ABCA10: variants seen among roughly 807,000 people sequenced by gnomAD.
The protein encoded by ABCA10 is ATP-binding cassette sub-family A member 10.
In ABCA10, 169 loss-of-function variants were observed where a neutral mutation model predicts 187.5. That is an observed-to-expected ratio of 0.90 (90% CI 0.80 to 1.02). ABCA10 has a LOEUF of 1.02. ABCA10 is among the 50% of genes least tolerant of loss of function. The pLI, the probability that ABCA10 is intolerant of heterozygous loss-of-function variation, is 0.00. For synonymous variants in ABCA10, 574 were observed against 601.8 expected (o/e 0.95, Z 0.68); for missense variants, 1,727 against 1,812.4 (o/e 0.95, Z 0.86).
chr17:69,153,484 C>G lies in ABCA10; in HGVS notation c.4028G>C (p.Gly1343Ala), dbSNP rs375730362. The G allele has an allele frequency of 3.1e-6, 5 of 1,614,016 alleles. No individual in the cohort carries two copies. Among genetic ancestry groups the G allele is most frequent in the African/African-American group, 1.3e-5 (1 of 74,926 alleles). ...LKAPVKTLSEGIKRKLCFVLS... is the reference protein window; with the variant it reads ...LKAPVKTLSEAIKRKLCFVLS... ...CCTGGCCCATACCTTTCTCTTTATTCCCTCTGATAGAGTTTTCACAGGAGC... is the reference window on the plus strand; with the variant it reads ...CCTGGCCCATACCTTTCTCTTTATTGCCTCTGATAGAGTTTTCACAGGAGC... The change falls in exon 33 of 39, where the codon GGA (glycine) becomes GCA (alanine). Residue 1343 changes from glycine to alanine, a missense_variant. Coordinates refer to ENST00000690296, the MANE Select transcript of ABCA10 (RefSeq NM_001377321.1).
chr17:69,167,795 C>T (rs908815450), intron 25 of ABCA10, among the ~76,000 whole-genome samples: 1 of 151,994 alleles, frequency 6.6e-6, no homozygotes, highest in South Asian at 2.1e-4. Flanking sequence ...GGCACTGAAA[C>T]AAAAGCAAAC....
chr17:69,199,686 C>CAACA (rs1312231208), intron 10 of ABCA10, among the ~76,000 whole-genome samples: 25 of 152,332 alleles, frequency 1.6e-4, no homozygotes, highest in South Asian at 2.1e-4. Flanking sequence ...TCATACCATA[C>CAACA]AACAACACCC....
chr17:69,184,629 A>G (rs907512298), intron 20 of ABCA10, among the ~76,000 whole-genome samples: 7 of 152,232 alleles, frequency 4.6e-5, no homozygotes, highest in South Asian at 2.1e-4. Flanking sequence ...TAAAACCACT[A>G]TGGAAAACAG....
At chr17:69,231,860 T>G (rs943090843), upstream of ABCA10, among the ~76,000 whole-genome samples, 3 of 152,154 alleles carry the variant, frequency 2.0e-5, no homozygotes, top group East Asian at 5.8e-4. Context: ...TCCAGTTCCT[T>G]ACAATTATTT....
At chr17:69,182,438 G>T in intron 21 of ABCA10, 148 bp from the exon 22 acceptor site, 3 of 965,614 alleles carry the variant, frequency 3.1e-6, no homozygotes, top group African/African-American at 1.7e-5. Context: ...ATTGGTACAA[G>T]AATGCATTAT....
chr17:69,211,314 G>GATATAT (rs58580286), intron 9 of ABCA10, among the ~76,000 whole-genome samples: 42 of 30,302 alleles, frequency 1.4e-3, no homozygotes, highest in East Asian at 4.8e-3. Context: ...TCATATATAT[G>GATATAT]ATATATATAT....
chr17:69,210,170 C>CTTTTTTTTTTTTTTTT (rs1160992125), intron 9 of ABCA10, among the ~76,000 whole-genome samples: 2 of 70,876 alleles, frequency 2.8e-5, no homozygotes, highest in African/African-American at 1.3e-4. Flanking sequence ...GTGGTTATTT[C>CTTTTTTTTTTTTTTTT]TTTTTTTTTT....
intron 31 of ABCA10, 99 bp downstream of exon 31, chr17:69,154,136 C>A (rs2074153953): frequency 4.2e-6 from 6 of 1,433,226 alleles, no homozygotes; most frequent in Admixed American, 4.6e-5. Flanking sequence ...TTTATAAATT[C>A]TTTCATCTAT....
At position 69,148,494 on chromosome 17, in the gene ABCA10, T is replaced by A. The variant is rs1226583898; in HGVS notation, c.*333A>T. ...TGAAGTTCAGGCTAAAAACCTCATA[T>A]TTTTATTTGTAAAATGTTCTCAGTG... On this transcript the variant is annotated 3_prime_UTR_variant, in exon 39 of 39. Transcript: ENST00000690296. 1 of 175,582 alleles carries A rather than the reference T, an allele frequency of 5.7e-6. No homozygotes were observed. Among genetic ancestry groups the A allele is most frequent in the Non-Finnish European group, 1.2e-5 (1 of 83,354 alleles). The allele number at this position is 175,582 out of a possible 1,614,324, so 10.9% of individuals were successfully genotyped here. A position where few individuals can be genotyped will look rare whatever the true frequency, so the allele number is the denominator to read the frequency against.
At chr17:69,214,359 C>CA (rs1489904321) in intron 9 of ABCA10, among the ~76,000 whole-genome samples, 1 of 151,538 alleles carries the variant, frequency 6.6e-6, no homozygotes, top group Non-Finnish European at 1.5e-5. Context: ...ACTAAAAATA[C>CA]AAAAAATTAG....
intron 27 of ABCA10, among the ~76,000 whole-genome samples, chr17:69,160,626 A>C (rs917101231): frequency 2.0e-5 from 3 of 152,150 alleles, no homozygotes; most frequent in Non-Finnish European, 4.4e-5. Context: ...CAAACAAAAA[A>C]ACCAAATAAC....
chr17:69,232,790 A>C (rs2144861214), upstream of ABCA10, among the ~76,000 whole-genome samples: 1 of 152,248 alleles, frequency 6.6e-6, no homozygotes, highest in South Asian at 2.1e-4. Context: ...TAAAGTCTTT[A>C]TCTCTCCTTC....
intron 9 of ABCA10, among the ~76,000 whole-genome samples, chr17:69,210,976 G>A (rs1260738793): frequency 6.6e-6 from 1 of 150,840 alleles, no homozygotes; most frequent in Non-Finnish European, 1.5e-5. Flanking sequence ...AATCAAAAAA[G>A]AATAGATGTT....
intron 25 of ABCA10, among the ~76,000 whole-genome samples, chr17:69,169,634 T>A (rs1568054076): frequency 6.6e-6 from 1 of 152,328 alleles, no homozygotes; most frequent in Middle Eastern, 3.4e-3. Flanking sequence ...ATGGTATTGA[T>A]GTACAAATAG....
chr17:69,179,252 A>G (rs988231395), intron 22 of ABCA10, among the ~76,000 whole-genome samples: 1 of 152,192 alleles, frequency 6.6e-6, no homozygotes, highest in African/African-American at 2.4e-5. Flanking sequence ...AGGGAAAAAT[A>G]GAACCCCATG....
At chr17:69,156,806 C>T (rs975312564) in intron 28 of ABCA10, 26 bp downstream of exon 28, 2 of 1,313,838 alleles carry the variant, frequency 1.5e-6, no homozygotes, top group Non-Finnish European at 2.1e-6. Context: ...AGATTATATT[C>T]AGATCTCAAT....
chr17:69,243,184 T>C (rs939467204), intron 1 of ABCA10, among the ~76,000 whole-genome samples: 7 of 152,236 alleles, frequency 4.6e-5, no homozygotes, highest in Non-Finnish European at 1.0e-4. Context: ...AAGGTATATA[T>C]GTAGACACGG....
chr17:69,188,420 C>A (rs1344996362), intron 18 of ABCA10, among the ~76,000 whole-genome samples: 2 of 151,542 alleles, frequency 1.3e-5, no homozygotes, highest in African/African-American at 2.4e-5. Context: ...TTCTCATGGG[C>A]AGCTTGATGT....
intron 6 of ABCA10, 116 bp from the exon 7 acceptor site, chr17:69,216,474 G>T: frequency 8.4e-7 from 1 of 1,189,500 alleles, no homozygotes. Flanking sequence ...TATTCTAAAT[G>T]GGTGGCCATA....
Sources: gnomAD v4.1 joint callset for allele counts (sites outside exome capture counted in the v4.1 genomes callset) on GRCh38, gnomAD v4.1.1 for gene constraint, MANE v1.5 for transcripts, NCBI Gene and HGNC (gene_info 2026-07-23, HGNC 2026-07-21) for gene names.